The following PLD5 variants were observed in gnomAD, a reference collection of about 807,000 sequenced individuals.
PLD5 encodes phospholipase D family member 5.
In PLD5, 36 loss-of-function variants were observed where a neutral mutation model predicts 61.1. The ratio of observed to expected loss-of-function variants is 0.59; its 90% CI spans 0.45 to 0.78. The LOEUF (loss-of-function observed/expected upper bound fraction) is 0.78, where lower values mean the gene tolerates loss of function less well. Among genes scored for constraint, PLD5 ranks in the 30% least tolerant of loss-of-function variants. The pLI is 0.00. For missense variants in PLD5, 515 were observed against 644.4 expected (o/e 0.80, Z 2.17); for synonymous variants, 243 against 242.8 (o/e 1.00, Z -0.01).
chr1:242,455,071 G>A (rs1253870954), intron 1 of PLD5, among the ~76,000 whole-genome samples: 3 of 152,168 alleles, frequency 2.0e-5, no homozygotes. Context: ...CAGCAGAAAC[G>A]AATGTGATCA....
rs183262558 is a variant in PLD5, at chr1:242,223,477, G to A, written c.608-3362C>T. Among the ~76,000 whole-genome samples the A allele has an allele frequency of 2.3e-3, 352 of 152,328 alleles. 1 individual carries two copies. Among genetic ancestry groups the A allele is most frequent in the African/African-American group, 8.3e-3 (343 of 41,572 alleles). On this transcript the variant is annotated intron_variant, in intron 4 of 9. Transcript: ENST00000536534. ...CAAGTGAAGGCCGGAGAGCAGGAAA[G>A]ATAGTAAATGGCTTCACAGTCTGCC... is the stretch of plus-strand genomic sequence containing the variant.
At chr1:242,325,509 G>C (rs1658704807) in intron 2 of PLD5, among the ~76,000 whole-genome samples, 1 of 151,872 alleles carries the variant, frequency 6.6e-6, no homozygotes, top group African/African-American at 2.4e-5. Context: ...GAGAGAGAGA[G>C]AGTCAGAGAG....
At chr1:242,275,019 G>A (rs1674335218) in intron 3 of PLD5, among the ~76,000 whole-genome samples, 1 of 152,048 alleles carries the variant, frequency 6.6e-6, no homozygotes, top group Non-Finnish European at 1.5e-5. Flanking sequence ...TTGCAGAAGA[G>A]TTTATCTTGG....
At position 242,395,043 on chromosome 1, in the gene PLD5, G is replaced by GAA. The variant is rs879927435; in HGVS notation, c.190-46802_190-46801insTT. Among the ~76,000 whole-genome samples, 24 of 67,452 alleles carry GAA rather than the reference G, an allele frequency of 3.6e-4. 1 individual carries two copies. Among genetic ancestry groups the GAA allele is most frequent in the African/African-American group, 1.1e-3 (15 of 13,708 alleles). 44.3% of individuals were successfully genotyped at this position (67,452 alleles called of 152,430 possible). ...TATATATGTATATATGAATGTATAT[G>GAA]TATATATGAATATATATGTATATAT... On this transcript the variant is annotated intron_variant, in intron 1 of 9. Coordinates refer to ENST00000536534, the MANE Select transcript of PLD5 (RefSeq NM_001372062.1).
At chr1:242,284,246 T>C (rs1247469889) in intron 3 of PLD5, among the ~76,000 whole-genome samples, 1 of 151,398 alleles carries the variant, frequency 6.6e-6, no homozygotes, top group East Asian at 2.0e-4. Flanking sequence ...CCAGCAATTG[T>C]TCTGTTTCAG....
At chr1:242,280,516 A>G (rs1674663701) in intron 3 of PLD5, among the ~76,000 whole-genome samples, 1 of 152,204 alleles carries the variant, frequency 6.6e-6, no homozygotes, top group Non-Finnish European at 1.5e-5. Context: ...ATATAGTAGA[A>G]ATATGTATAA....
At chr1:242,457,295 A>C (rs1280490883) in intron 1 of PLD5, among the ~76,000 whole-genome samples, 2 of 152,222 alleles carry the variant, frequency 1.3e-5, no homozygotes, top group Non-Finnish European at 2.9e-5. Flanking sequence ...AATTACAATT[A>C]CTTAAACAAA....
At chr1:242,185,803 G>A (rs756843251) in intron 5 of PLD5, among the ~76,000 whole-genome samples, 5 of 151,962 alleles carry the variant, frequency 3.3e-5, no homozygotes, top group Non-Finnish European at 2.9e-5. Flanking sequence ...AATTTGACAT[G>A]AGAGTCTTTT....
chr1:242,314,729 T>A (rs6429347), intron 2 of PLD5, among the ~76,000 whole-genome samples: 3 of 151,852 alleles, frequency 2.0e-5, no homozygotes, highest in African/African-American at 7.3e-5. Flanking sequence ...TCTAAAGTAT[T>A]CAGGTATATA....
At chr1:242,417,107 G>A (rs371802940) in intron 1 of PLD5, among the ~76,000 whole-genome samples, 2 of 152,344 alleles carry the variant, frequency 1.3e-5, no homozygotes, top group South Asian at 4.1e-4. Context: ...CCAAGAGGTA[G>A]CCCATGTGTA....
chr1:242,483,013 A>C (rs1016744693), intron 1 of PLD5, among the ~76,000 whole-genome samples: 11 of 152,156 alleles, frequency 7.2e-5, no homozygotes, highest in East Asian at 5.8e-4. Flanking sequence ...AATGCTGAGA[A>C]ATTTTGTCAC....
intron 4 of PLD5, among the ~76,000 whole-genome samples, chr1:242,221,478 A>G (rs565919781): frequency 6.6e-6 from 1 of 152,332 alleles, no homozygotes; most frequent in Non-Finnish European, 1.5e-5. Flanking sequence ...AGAGTAATTT[A>G]CACTATGAAC....
chr1:242,510,148 G>T (rs898430739), intron 1 of PLD5, among the ~76,000 whole-genome samples: 1 of 152,090 alleles, frequency 6.6e-6, no homozygotes, highest in Non-Finnish European at 1.5e-5. Context: ...AGATAATAGT[G>T]TCTTGGCTCA....
At chr1:242,249,416 T>G (rs1367998724) in intron 4 of PLD5, among the ~76,000 whole-genome samples, 1 of 152,192 alleles carries the variant, frequency 6.6e-6, no homozygotes, top group African/African-American at 2.4e-5. Flanking sequence ...TCAAATAAGT[T>G]TCTGTTCTTT....
chr1:242,101,530 CT>C (rs1660687340), intron 8 of PLD5, among the ~76,000 whole-genome samples: 1 of 152,310 alleles, frequency 6.6e-6, no homozygotes, highest in South Asian at 2.1e-4. Context: ...CATGACTCAG[CT>C]CACTGGAAGA....
At chr1:242,526,783 T>G (rs768397330), upstream of PLD5, among the ~76,000 whole-genome samples, 2 of 152,214 alleles carry the variant, frequency 1.3e-5, no homozygotes, top group African/African-American at 2.4e-5. Flanking sequence ...TTAGCCTCCA[T>G]AGCTTATGCT....
At chr1:242,516,273 T>C (rs183860062) in intron 1 of PLD5, among the ~76,000 whole-genome samples, 15,371 of 112,366 alleles carry the variant, frequency 0.14, 1,061 homozygotes, top group Non-Finnish European at 0.18. Context: ...TATATATATA[T>C]ATATATACAT....
At chr1:242,247,506 TA>T (rs1033265726) in intron 4 of PLD5, among the ~76,000 whole-genome samples, 4 of 152,338 alleles carry the variant, frequency 2.6e-5, no homozygotes, top group African/African-American at 9.6e-5. Context: ...TGCATGGCCT[TA>T]GGTCTTGTTT....
At chr1:242,208,478 C>T (rs114471561) in intron 5 of PLD5, among the ~76,000 whole-genome samples, 2,573 of 152,286 alleles carry the variant, frequency 0.017, 26 homozygotes, top group Middle Eastern at 0.027. Context: ...GCCTCCCTTT[C>T]TCAGGTAATG....
Sources: gnomAD v4.1 joint callset for allele counts (sites outside exome capture counted in the v4.1 genomes callset) on GRCh38, gnomAD v4.1.1 for gene constraint, MANE v1.5 for transcripts, NCBI Gene and HGNC (gene_info 2026-07-23, HGNC 2026-07-21) for gene names.